The following RNF180 variants were observed in gnomAD, a reference collection of about 807,000 sequenced individuals.
The protein encoded by RNF180 is ring finger protein 180.
A neutral mutation model predicts 59.2 loss-of-function variants in RNF180; 38 were observed. The observed-to-expected ratio is 0.64, with a 90% CI of 0.50 to 0.84. The LOEUF (loss-of-function observed/expected upper bound fraction) is 0.84, where lower values mean the gene tolerates loss of function less well. Ranked by LOEUF, RNF180 falls within the 40% of genes least tolerant of loss-of-function variation. RNF180 has a pLI of 0.00. For synonymous variants in RNF180, 262 were observed against 240.3 expected (o/e 1.09, Z -0.84); for missense variants, 705 against 700.9 (o/e 1.01, Z -0.07).
At chr5:64,332,345 T>C (rs921054923) in intron 7 of RNF180, among the ~76,000 whole-genome samples, 4 of 152,178 alleles carry the variant, frequency 2.6e-5, no homozygotes, top group African/African-American at 9.7e-5. Flanking sequence ...AGTTTTAATA[T>C]TTTATAGTTG....
chr5:64,184,028 G>A (rs535133248), intron 1 of RNF180, among the ~76,000 whole-genome samples: 1 of 152,256 alleles, frequency 6.6e-6, no homozygotes, highest in Admixed American at 6.5e-5. Flanking sequence ...AATCCAATCT[G>A]ACTGGTATCC....
At chr5:64,287,900 TTTAA>T (rs1275026150) in intron 5 of RNF180, among the ~76,000 whole-genome samples, 1 of 152,210 alleles carries the variant, frequency 6.6e-6, no homozygotes, top group Non-Finnish European at 1.5e-5. Flanking sequence ...AGCTCCTTAG[TTTAA>T]TTAAATCACA....
chr5:64,327,906 C>T (rs1409457906), intron 6 of RNF180, among the ~76,000 whole-genome samples: 2 of 152,150 alleles, frequency 1.3e-5, no homozygotes, highest in Non-Finnish European at 2.9e-5. Flanking sequence ...ATCTCTCTCT[C>T]TTTAGATCTA....
chr5:64,244,322 C>G (rs113368596), intron 5 of RNF180, among the ~76,000 whole-genome samples: 2 of 151,640 alleles, frequency 1.3e-5, no homozygotes, highest in East Asian at 1.9e-4. Context: ...TCTAACCCAA[C>G]GCAAGGAAGC....
At chr5:64,231,142 T>G (rs1580066799) in intron 5 of RNF180, among the ~76,000 whole-genome samples, 1 of 152,324 alleles carries the variant, frequency 6.6e-6, no homozygotes, top group African/African-American at 2.4e-5. Flanking sequence ...AAAGATAATA[T>G]TGACCTACCT....
At chr5:64,209,382 G>C (rs1049412627) in intron 2 of RNF180, among the ~76,000 whole-genome samples, 2 of 151,886 alleles carry the variant, frequency 1.3e-5, no homozygotes, top group Non-Finnish European at 2.9e-5. Context: ...CAATTTATAT[G>C]ATTAAATGAA....
intron 1 of RNF180, among the ~76,000 whole-genome samples, chr5:64,200,199 G>A (rs1751669371): frequency 6.6e-6 from 1 of 152,164 alleles, no homozygotes; most frequent in Admixed American, 6.6e-5. Context: ...AGGAGGCTGA[G>A]GCAGGGGGAT....
chr5:64,212,277 A>C, intron 3 of RNF180, 117 bp downstream of exon 3: 1 of 641,976 alleles, frequency 1.6e-6, no homozygotes, highest in Non-Finnish European at 2.8e-6. Context: ...ACTGCTCCTC[A>C]CTCCCATTAC....
At chr5:64,217,337 G>A (rs776385862) in intron 4 of RNF180, 24 bp from the exon 5 acceptor site, 2 of 1,386,738 alleles carry the variant, frequency 1.4e-6, no homozygotes, top group Non-Finnish European at 1.9e-6. Flanking sequence ...ATTTTTGTGT[G>A]AACCTAATTT....
chr5:64,315,725 T>A (rs1229862497), intron 5 of RNF180, among the ~76,000 whole-genome samples: 1 of 115,728 alleles, frequency 8.6e-6, no homozygotes, highest in Admixed American at 1.1e-4. Context: ...AACAAGAGCG[T>A]AACTGTCTCA....
chr5:64,171,241 A>G (rs1366567743), intron 1 of RNF180, among the ~76,000 whole-genome samples: 1 of 152,220 alleles, frequency 6.6e-6, no homozygotes, highest in Non-Finnish European at 1.5e-5. Context: ...GAGGGGGATA[A>G]CGACAATGAT....
At chr5:64,191,559 C>G (rs1751158352) in intron 1 of RNF180, among the ~76,000 whole-genome samples, 3 of 152,166 alleles carry the variant, frequency 2.0e-5, no homozygotes, top group Admixed American at 2.0e-4. Context: ...AAAATATAGA[C>G]TATTTCACAA....
In RNF180 at chr5:64,339,716, AAAATTGCGAAGACAAAC is replaced by A. The variant is rs924879526; in HGVS notation, c.1579+9312_1579+9328del. 1.6e-4 allele frequency among the ~76,000 whole-genome samples: 25 copies of A among 152,068 alleles called. 1 individual carries two copies. In the East Asian group the frequency reaches 4.6e-3, roughly 28 times the overall value. On this transcript the variant is annotated intron_variant, in intron 7 of 7. Coordinates refer to ENST00000389100, the MANE Select transcript of RNF180 (RefSeq NM_001113561.2). ...GGGTTTTTTTTTTTCACACACACAC[AAAATTGCGAAGACAAAC>A]AGTTACAGATTTTCCAGCCAAAGAA... is the stretch of plus-strand genomic sequence containing the variant.
chr5:64,178,202 C>CAAAAAAA (rs67465847), intron 1 of RNF180, among the ~76,000 whole-genome samples: 1 of 86,828 alleles, frequency 1.2e-5, no homozygotes, highest in African/African-American at 4.4e-5. Flanking sequence ...GACTCCATCT[C>CAAAAAAA]AAAAAAAAAA....
At chr5:64,250,485 G>T (rs6891208) in intron 5 of RNF180, among the ~76,000 whole-genome samples, 39,422 of 151,634 alleles carry the variant, frequency 0.26, 5,256 homozygotes, top group Middle Eastern at 0.33. Flanking sequence ...AATATTGGGG[G>T]TTTTTTTAAA....
chr5:64,340,438 A>G (rs563064745), intron 7 of RNF180, among the ~76,000 whole-genome samples: 2 of 152,348 alleles, frequency 1.3e-5, no homozygotes, highest in Non-Finnish European at 2.9e-5. Context: ...TTGGTGCTGC[A>G]AGTTTAAACA....
chr5:64,266,465 T>A (rs60228732), intron 5 of RNF180, among the ~76,000 whole-genome samples: 3,560 of 152,236 alleles, frequency 0.023, 127 homozygotes, highest in African/African-American at 0.075. Flanking sequence ...CTCTTGTATG[T>A]AATTGAATGG....
intron 2 of RNF180, 29 bp from the exon 3 acceptor site, chr5:64,212,036 T>C (rs1752339331): frequency 8.3e-7 from 1 of 1,207,376 alleles, no homozygotes; most frequent in African/African-American, 1.5e-5. Context: ...AACTGGTAAT[T>C]AGTAATATCA....
At chr5:64,339,487 T>C (rs1423956305) in intron 7 of RNF180, among the ~76,000 whole-genome samples, 1 of 152,188 alleles carries the variant, frequency 6.6e-6, no homozygotes, top group Non-Finnish European at 1.5e-5. Flanking sequence ...ATCAGGTTTG[T>C]ATTGGAAAAT....
Sources: gnomAD v4.1 joint callset for allele counts (sites outside exome capture counted in the v4.1 genomes callset) on GRCh38, gnomAD v4.1.1 for gene constraint, MANE v1.5 for transcripts, NCBI Gene and HGNC (gene_info 2026-07-23, HGNC 2026-07-21) for gene names.